The following ACO2 variants were observed in gnomAD, a reference collection of about 807,000 sequenced individuals.
ACO2 encodes the protein aconitate hydratase, mitochondrial.
ACO2 carries 31 observed loss-of-function variants against 84.5 expected under a neutral mutation model. The observed-to-expected ratio is 0.37, with a 90% CI of 0.28 to 0.50. The LOEUF (loss-of-function observed/expected upper bound fraction) is 0.50. Among genes scored for constraint, ACO2 ranks in the 20% least tolerant of loss-of-function variants. ACO2 has a pLI of 0.97. For missense variants in ACO2, 685 were observed against 1,029.3 expected (o/e 0.67, Z 4.58); for synonymous variants, 414 against 412.7 (o/e 1.00, Z -0.04).
intron 1 of ACO2, among the ~76,000 whole-genome samples, chr22:41,486,036 C>G (rs986715882): frequency 6.6e-6 from 1 of 152,198 alleles, no homozygotes; most frequent in Non-Finnish European, 1.5e-5. Context: ...AGGCGCTGCT[C>G]TCTCTGTGAA....
intron 4 of ACO2, among the ~76,000 whole-genome samples, chr22:41,514,439 T>G (rs2066460319): frequency 6.6e-6 from 1 of 152,222 alleles, no homozygotes. Context: ...GATTGTTAGC[T>G]ATTTCTTGAT....
intron 1 of ACO2, among the ~76,000 whole-genome samples, chr22:41,488,990 C>T (rs1215817997): frequency 6.6e-6 from 1 of 152,054 alleles, no homozygotes; most frequent in Non-Finnish European, 1.5e-5. Flanking sequence ...TGAGTTTTTA[C>T]AAAACCTTCC....
intron 3 of ACO2, 82 bp downstream of exon 3, chr22:41,508,131 G>C: frequency 6.7e-7 from 1 of 1,498,350 alleles, no homozygotes; most frequent in Non-Finnish European, 9.0e-7. Flanking sequence ...GCAAACCAGG[G>C]CATTGCCTCC....
At chr22:41,483,390 C>T (rs1601884021) in intron 1 of ACO2, among the ~76,000 whole-genome samples, 1 of 152,294 alleles carries the variant, frequency 6.6e-6, no homozygotes, top group Non-Finnish European at 1.5e-5. Flanking sequence ...GGTGCAGTGG[C>T]TTATGCCTGT....
intron 4 of ACO2, among the ~76,000 whole-genome samples, chr22:41,512,829 T>C (rs1416408187): frequency 6.6e-6 from 1 of 152,188 alleles, no homozygotes; most frequent in Non-Finnish European, 1.5e-5. Context: ...CCAAGGGCAC[T>C]GTTAGGGACC....
At chr22:41,510,038 G>A (rs1367566324) in intron 3 of ACO2, among the ~76,000 whole-genome samples, 1 of 152,072 alleles carries the variant, frequency 6.6e-6, no homozygotes, top group Non-Finnish European at 1.5e-5. Context: ...GTTTCACCAC[G>A]TTGGCCAGGC....
At chr22:41,489,980 T>C (rs550930669) in intron 1 of ACO2, among the ~76,000 whole-genome samples, 1 of 152,322 alleles carries the variant, frequency 6.6e-6, no homozygotes, top group East Asian at 1.9e-4. Context: ...TTGCCTGGTT[T>C]ATTTTTTCTT....
chr22:41,493,748 C>G (rs2066291677), intron 1 of ACO2, among the ~76,000 whole-genome samples: 1 of 151,678 alleles, frequency 6.6e-6, no homozygotes, highest in African/African-American at 2.4e-5. Context: ...TCGAGACCAT[C>G]CTGGGCAACA....
intron 1 of ACO2, among the ~76,000 whole-genome samples, chr22:41,477,845 T>TC (rs1304067084): frequency 1.3e-5 from 2 of 151,940 alleles, no homozygotes. Context: ...GATGGGTGGA[T>TC]CACGAGGTCA....
chr22:41,519,887 ATGCCT>A (rs2066508541), intron 8 of ACO2, among the ~76,000 whole-genome samples: 1 of 152,080 alleles, frequency 6.6e-6, no homozygotes, highest in South Asian at 2.1e-4. Context: ...GATCCATTCC[ATGCCT>A]CTGCTGTCTC....
intron 4 of ACO2, chr22:41,512,340 A>C: frequency 5.1e-6 from 1 of 196,074 alleles, no homozygotes. Flanking sequence ...GGCATGCATC[A>C]CTGACATTTG....
intron 6 of ACO2, among the ~76,000 whole-genome samples, chr22:41,516,364 T>G (rs1479877683): frequency 1.3e-5 from 2 of 152,212 alleles, no homozygotes. Context: ...TCCCTTGGAT[T>G]AGAGATCGGT....
intron 2 of ACO2, among the ~76,000 whole-genome samples, chr22:41,507,394 T>A (rs2066401603): frequency 1.3e-5 from 2 of 152,090 alleles, no homozygotes; most frequent in African/African-American, 4.8e-5. Context: ...TGAGCCTGTT[T>A]CTTGGTTGTT....
chr22:41,490,456 G>A (rs1371220236), intron 1 of ACO2, among the ~76,000 whole-genome samples: 2 of 152,180 alleles, frequency 1.3e-5, no homozygotes, highest in Non-Finnish European at 2.9e-5. Flanking sequence ...GTAAACAGCT[G>A]TAGAGTGGCA....
chr22:41,516,070 A>G (rs1286966848), intron 6 of ACO2, 153 bp downstream of exon 6: 2 of 943,424 alleles, frequency 2.1e-6, no homozygotes, highest in African/African-American at 1.6e-5. Flanking sequence ...AAAATTGGAG[A>G]CAGCATTAGA....
At chr22:41,495,900 C>T (rs1159525767) in intron 1 of ACO2, among the ~76,000 whole-genome samples, 1 of 151,976 alleles carries the variant, frequency 6.6e-6, no homozygotes, top group Non-Finnish European at 1.5e-5. Flanking sequence ...CGCGCTCAGC[C>T]ACAGTTGTTT....
intron 1 of ACO2, among the ~76,000 whole-genome samples, chr22:41,484,732 A>G (rs557934916): frequency 6.6e-6 from 1 of 152,286 alleles, no homozygotes; most frequent in Admixed American, 6.5e-5. Flanking sequence ...GCCTCACAGT[A>G]ACTCAGAATA....
In ACO2 at chr22:41,486,363, G is replaced by A. The variant is rs541110752; in HGVS notation, c.37-13363G>A. ...GGCTGGAGTGCAGTGGTGTAATCTT[G>A]GCTCACTGCAACCTCTGCCTCCCAG... On this transcript the variant is annotated intron_variant, in intron 1 of 17. Transcript: ENST00000216254. Among the ~76,000 whole-genome samples, 329 of 150,694 alleles carry A rather than the reference G, an allele frequency of 2.2e-3. 2 individuals carry two copies. The highest frequency in any genetic ancestry group is 7.6e-3 in the African/African-American group (311 of 40,946).
Position 41,527,914 on chromosome 22 carries a change from G to C in ACO2, c.2100G>C (p.Lys700Asn). 6.2e-7 allele frequency: 1 copy of C among 1,614,198 alleles called. No homozygotes were observed. ...CCTGCTTTCCAGAGACCAACCTGAA[G>C]AAACAGGGCCTGCTGCCTCTGACCT... is the stretch of plus-strand genomic sequence containing the variant. Reference protein sequence around the residue: ...SFARIHETNLKKQGLLPLTFA... With the variant: ...SFARIHETNLNKQGLLPLTFA... The change falls in exon 17 of 18, where the codon AAG (lysine) becomes AAC (asparagine). Residue 700 changes from lysine to asparagine, a missense_variant. Lys to Asn is a moderately conservative substitution (Grantham distance 94, BLOSUM62 0). Transcript: ENST00000216254.
Sources: allele counts gnomAD v4.1 joint callset (sites outside exome capture counted in the v4.1 genomes callset), GRCh38; gene constraint gnomAD v4.1.1; transcripts MANE v1.5; gene names NCBI Gene and HGNC (gene_info 2026-07-23, HGNC 2026-07-21).